CACNA1G: variants seen among roughly 807,000 people sequenced by gnomAD.
CACNA1G encodes the protein voltage-dependent T-type calcium channel subunit alpha-1G.
In CACNA1G, 67 loss-of-function variants were observed where a neutral mutation model predicts 219.4. That is an observed-to-expected ratio of 0.31 (90% confidence interval 0.25 to 0.37). The LOEUF (loss-of-function observed/expected upper bound fraction) is 0.37, where lower values mean the gene tolerates loss of function less well. Among genes scored for constraint, CACNA1G ranks in the 10% least tolerant of loss-of-function variants. CACNA1G has a pLI of 1.00. For missense variants in CACNA1G, 2,380 were observed against 3,231.4 expected (o/e 0.74, Z 6.39); for synonymous variants, 1,296 against 1,345.3 (o/e 0.96, Z 0.80).
chr17:50,608,100 G>A, intron 25 of CACNA1G, 81 bp downstream of exon 25: 1 of 1,342,202 alleles, frequency 7.5e-7, no homozygotes, highest in Non-Finnish European at 1.0e-6. Flanking sequence ...CGACTGCAGG[G>A]GGCTGGGCGC....
At position 50,618,864 on chromosome 17, in the gene CACNA1G, C is replaced by T. The variant is rs774882008; in HGVS notation, c.5637C>T (p.Ser1879=). The part of the protein sequence containing the change: ...AELELEMKTL[S]PQPHSPLGSP... ...TGGAGCTGGAGATGAAGACCCTCAG[C>T]CCCCAGCCCCACTCGCCACTGGGCA... is the stretch of plus-strand genomic sequence containing the variant. Residue 1879 remains serine, a synonymous_variant, in exon 33 of 38, where the codon AGC becomes AGT. Transcript: ENST00000359106. The surrounding 1 kb of genome is among the most constrained non-coding windows in gnomAD (Gnocchi z 5.3). 3.1e-6 allele frequency: 5 copies of T among 1,612,974 alleles called. No individual in the cohort carries two copies. In the Admixed American group the frequency reaches 6.7e-5, roughly 22 times the overall value.
intron 3 of CACNA1G, 135 bp downstream of exon 3, chr17:50,569,433 C>T: frequency 1.1e-6 from 1 of 941,034 alleles, no homozygotes; most frequent in South Asian, 1.6e-5. Flanking sequence ...TCCTGAGGGT[C>T]TGAGGCTGCC....
chr17:50,611,251 TTA>T (rs1491213897), intron 26 of CACNA1G, among the ~76,000 whole-genome samples: 4 of 65,200 alleles, frequency 6.1e-5, no homozygotes, highest in Admixed American at 1.7e-4. Flanking sequence ...GAGACTCCAT[TTA>T]AAAAAAAAAA....
At chr17:50,610,960 G>A (rs1030114531) in intron 26 of CACNA1G, among the ~76,000 whole-genome samples, 3 of 152,034 alleles carry the variant, frequency 2.0e-5, no homozygotes, top group African/African-American at 7.2e-5. Flanking sequence ...TTGAAGTATT[G>A]GAAAGAACAT....
At position 50,560,755 on chromosome 17, in the gene CACNA1G, C is replaced by G. The variant is rs1476480450; in HGVS notation, c.-705C>G. Among the ~76,000 whole-genome samples, 1 of 152,196 alleles carries G rather than the reference C, an allele frequency of 6.6e-6. No individual in the cohort carries two copies. Among genetic ancestry groups the G allele is most frequent in the Non-Finnish European group, 1.5e-5 (1 of 68,014 alleles). ...CGCCGCCGCTTTCGCTCGCTCGCTC[C>G]GCGTCTCGGCCGGAGGAGGAGGCTG... On this transcript the variant is annotated 5_prime_UTR_variant, in exon 1 of 38. Coordinates refer to ENST00000359106, the MANE Select transcript of CACNA1G (RefSeq NM_018896.5).
intron 23 of CACNA1G, among the ~76,000 whole-genome samples, 174 bp from the exon 24 acceptor site, chr17:50,606,726 G>A (rs1485067281): frequency 6.6e-6 from 1 of 152,210 alleles, no homozygotes; most frequent in Non-Finnish European, 1.5e-5. Context: ...CTGCAGCTCA[G>A]TTATGGAACC....
At position 50,619,684 on chromosome 17, in the gene CACNA1G, A is replaced by G. The variant is rs755415480; in HGVS notation, c.5783A>G (p.Asp1928Gly). ...TCCCCTTACGGGCTGGCTCCCCAGG[A>G]CAGGCAGCTGTTTGACACCATATCC... ...ASHFSLEHPT[D>G]RQLFDTISLL... Residue 1928 changes from aspartate to glycine, a missense_variant and splice_region_variant, in exon 34 of 38, where the codon GAC (aspartate) becomes GGC (glycine). Asp to Gly is a moderately conservative substitution (Grantham distance 94). This residue lies in a region of CACNA1G where 672 missense variants were observed against 670.5 expected (regional missense o/e 1.00). Transcript: ENST00000359106. 1.9e-6 allele frequency: 3 copies of G among 1,608,868 alleles called. No individual in the cohort carries two copies. Among genetic ancestry groups the G allele is most frequent in the Middle Eastern group, 1.7e-4 (1 of 6,054 alleles).
intron 25 of CACNA1G, 110 bp from the exon 26 acceptor site, chr17:50,609,772 C>A: frequency 1.1e-6 from 1 of 902,162 alleles, no homozygotes; most frequent in South Asian, 1.5e-5. Flanking sequence ...GCTCAGCGCA[C>A]CCCACCCATA....
intron 9 of CACNA1G, among the ~76,000 whole-genome samples, chr17:50,582,408 C>A (rs2042143700): frequency 6.6e-6 from 1 of 152,140 alleles, no homozygotes; most frequent in Non-Finnish European, 1.5e-5. Flanking sequence ...ATCTGCAGGA[C>A]CCAATCAGTT....
Position 50,617,301 on chromosome 17 carries a change from C to T in CACNA1G, c.5022-137C>T. Reference sequence around the variant, plus strand: ...GCTGTGTGGCCTTAGATAAGCCACGCCTCTTCTCTGTGGGATGGGAGGCTG... The same window carrying T: ...GCTGTGTGGCCTTAGATAAGCCACGTCTCTTCTCTGTGGGATGGGAGGCTG... On this transcript the variant is annotated intron_variant, in intron 28 of 37. Coordinates refer to ENST00000359106, the MANE Select transcript of CACNA1G (RefSeq NM_018896.5). This position sits in a 1 kb window ranked among gnomAD's most constrained non-coding sequence, Gnocchi z 5.8. The T allele has an allele frequency of 2.1e-6, 2 of 945,752 alleles. No individual in the cohort carries two copies. The allele number at this position is 945,752 out of a possible 1,614,324, so 58.6% of individuals were successfully genotyped here.
At chr17:50,604,054 A>C in intron 21 of CACNA1G, 101 bp from the exon 22 acceptor site, 1 of 1,249,736 alleles carries the variant, frequency 8.0e-7, no homozygotes, top group Non-Finnish European at 1.1e-6. Flanking sequence ...GAGGCCAGGA[A>C]GGGACCAGTG....
At position 50,591,701 on chromosome 17, in the gene CACNA1G, G is replaced by A. The variant is rs371342525; in HGVS notation, c.2640-38G>A. On this transcript the variant is annotated intron_variant, in intron 11 of 37. Transcript: ENST00000359106. ...GGGCCTGAGGGGTGAGGAGCACTGG[G>A]CTCTGATCCCTAGCTTGTGGCCCCC... The A allele has an allele frequency of 2.9e-5, 46 of 1,611,584 alleles. 1 individual carries two copies. The highest frequency in any genetic ancestry group is 3.3e-4 in the Middle Eastern group (2 of 6,078).
intron 25 of CACNA1G, 126 bp downstream of exon 25, chr17:50,608,145 C>G (rs1371009021): frequency 2.1e-5 from 16 of 769,284 alleles, no homozygotes; most frequent in South Asian, 7.2e-5. Context: ...GCTCCCACCC[C>G]CCTCCTCACC....
At position 50,575,731 on chromosome 17, in the gene CACNA1G, C is replaced by G. The variant is rs368286715; in HGVS notation, c.1329C>G (p.Ile443Met). 2.5e-6 allele frequency: 4 copies of G among 1,588,840 alleles called. No individual in the cohort carries two copies. Among genetic ancestry groups the G allele is most frequent in the Non-Finnish European group, 3.4e-6 (4 of 1,167,764 alleles). Residue 443 changes from isoleucine to methionine, a missense_variant, in exon 8 of 38, where the codon ATC becomes ATG. Physicochemically the swap from Ile to Met is conservative, Grantham distance 10. Coordinates refer to ENST00000359106, the MANE Select transcript of CACNA1G (RefSeq NM_018896.5). ...YEELLKYLVY[I>M]LRKAARRLAQ... ...AGCTGCTCAAGTACCTGGTGTACAT[C>G]CTTCGTAAGGCAGCCCGCAGGCTGG...
rs956709184 is a variant in CACNA1G at position 50,578,342 on chromosome 17, T to G, written c.2079T>G (p.Val693=). 23 of 1,612,992 alleles carry G rather than the reference T, an allele frequency of 1.4e-5. No homozygotes were observed. The African/African-American group carries it at 3.1e-4, about 22-fold the overall frequency. ...TGCCTGACTCAGACAGCGAGGCAGTTTATGAGTTCACACAGGATGCCCAGC... is the reference window on the plus strand; with the variant it reads ...TGCCTGACTCAGACAGCGAGGCAGTGTATGAGTTCACACAGGATGCCCAGC... ...REMPDSDSEA[V]YEFTQDAQHS... The change falls in exon 9 of 38, where the codon GTT becomes GTG. Residue 693 remains valine, a synonymous_variant. Transcript: ENST00000359106. The surrounding 1 kb of genome is among the most constrained non-coding windows in gnomAD (Gnocchi z 4.5).
At chr17:50,564,481 G>C (rs1400273704) in intron 1 of CACNA1G, among the ~76,000 whole-genome samples, 1 of 144,170 alleles carries the variant, frequency 6.9e-6, no homozygotes, top group African/African-American at 2.6e-5. Flanking sequence ...GGGGCCAGAG[G>C]GGGAGAGGGG....
At chr17:50,565,979 C>T (rs1849509191) in intron 1 of CACNA1G, among the ~76,000 whole-genome samples, 1 of 152,150 alleles carries the variant, frequency 6.6e-6, no homozygotes, top group Admixed American at 6.5e-5. Flanking sequence ...ACCATAGCAA[C>T]AGTAGACATG....
chr17:50,626,261 T>C lies in CACNA1G; in HGVS notation c.6644T>C (p.Leu2215Ser). The change falls in exon 38 of 38, where the codon TTA (leucine) becomes TCA (serine). Residue 2215 changes from leucine (L) to serine (S), a missense_variant. By Grantham distance (145) the Leu-to-Ser change is moderately radical (BLOSUM62 -2). Around this residue, in one of 17 missense-constraint regions of CACNA1G, gnomAD observed 672 missense variants for 670.5 expected, o/e 1.00. Transcript: ENST00000359106. The surrounding 1 kb of genome is among the most constrained non-coding windows in gnomAD (Gnocchi z 4.3). ...GGCCCTCCAGAGACCAGAAGCAGCT[T>C]AGAGTTGGACACGGAGCTGAGCTGG... Reference protein sequence around the residue: ...GKGPPETRSSLELDTELSWIS... With the variant: ...GKGPPETRSSSELDTELSWIS... 6.2e-7 allele frequency: 1 copy of C among 1,613,452 alleles called. No homozygotes were observed. Among genetic ancestry groups the C allele is most frequent in the Non-Finnish European group, 8.5e-7 (1 of 1,179,804 alleles).
chr17:50,608,090 C>T lies in CACNA1G; in HGVS notation c.4705+71C>T, dbSNP rs549019143. ...TGGGTCGTGCTTGACCTTGGCCTTGCGACTGCAGGGGGCTGGGCGCTGGGG... is the reference window on the plus strand; with the variant it reads ...TGGGTCGTGCTTGACCTTGGCCTTGTGACTGCAGGGGGCTGGGCGCTGGGG... On this transcript the variant is annotated intron_variant, in intron 25 of 37. Coordinates refer to ENST00000359106, the MANE Select transcript of CACNA1G (RefSeq NM_018896.5). 71 of 1,422,916 alleles carry T rather than the reference C, an allele frequency of 5.0e-5. No individual in the cohort carries two copies. The Admixed American group carries it at 6.7e-4, about 13-fold the overall frequency. 88.1% of individuals were successfully genotyped at this position (1,422,916 alleles called of 1,614,324 possible). A position where few individuals can be genotyped will look rare whatever the true frequency, so the allele number is the denominator to read the frequency against.
Sources: gnomAD v4.1 joint callset for allele counts (sites outside exome capture counted in the v4.1 genomes callset) on GRCh38, gnomAD v4.1.1 for gene constraint, gnomAD v4.1.1 regional missense constraint, Gnocchi (gnomAD v3.1) non-coding constraint, MANE v1.5 for transcripts, NCBI Gene and HGNC (gene_info 2026-07-23, HGNC 2026-07-21) for gene names.